The following CAMTA1 variants were observed in gnomAD, a reference collection of about 807,000 sequenced individuals.
The protein encoded by CAMTA1 is calmodulin-binding transcription activator 1.
In CAMTA1, 27 loss-of-function variants were observed where a neutral mutation model predicts 170.9. The observed-to-expected ratio is 0.16, with a 90% CI of 0.12 to 0.22. The LOEUF (loss-of-function observed/expected upper bound fraction) is 0.22, where lower values mean the gene tolerates loss of function less well. Among genes scored for constraint, CAMTA1 ranks in the 10% least tolerant of loss-of-function variants. The pLI, the probability that CAMTA1 is intolerant of heterozygous loss-of-function variation, is 1.00. For missense variants in CAMTA1, 1,619 were observed against 2,217.2 expected, an observed-to-expected ratio of 0.73 and a Z score of 5.42; for synonymous variants, 833 against 891.5, an observed-to-expected ratio of 0.93 and a Z score of 1.17.
intron 7 of CAMTA1, among the ~76,000 whole-genome samples, chr1:7,655,016 C>G (rs1177841310): frequency 8.6e-6 from 1 of 116,828 alleles, no homozygotes; most frequent in African/African-American, 3.4e-5. Flanking sequence ...ATACACACAC[C>G]CCTATATACA....
intron 6 of CAMTA1, among the ~76,000 whole-genome samples, chr1:7,608,107 G>T (rs1004318872): frequency 4.6e-5 from 7 of 152,282 alleles, no homozygotes; most frequent in African/African-American, 1.7e-4. Flanking sequence ...CCCATGCTCT[G>T]CTAGTGCAGC....
intron 3 of CAMTA1, among the ~76,000 whole-genome samples, chr1:7,058,071 G>A (rs925098387): frequency 3.3e-5 from 5 of 152,290 alleles, no homozygotes; most frequent in African/African-American, 9.6e-5. Context: ...CAGGCAGGAC[G>A]GAGACCGGCC....
intron 5 of CAMTA1, among the ~76,000 whole-genome samples, chr1:7,461,428 G>A (rs1026339437): frequency 1.3e-5 from 2 of 152,204 alleles, no homozygotes; most frequent in Admixed American, 6.5e-5. Flanking sequence ...GGTAGCCCTC[G>A]GCCACATGTG....
chr1:6,849,612 A>G (rs922052816), intron 3 of CAMTA1, among the ~76,000 whole-genome samples: 4 of 151,826 alleles, frequency 2.6e-5, no homozygotes, highest in Non-Finnish European at 5.9e-5. Flanking sequence ...GTAAAATTAT[A>G]GAAGTGTTAA....
At position 7,585,943 on chromosome 1, in the gene CAMTA1, G is replaced by A. The variant is rs1415939178; in HGVS notation, c.511-54457G>A. Among the ~76,000 whole-genome samples the A allele has an allele frequency of 6.6e-6, 1 of 152,044 alleles. No individual in the cohort carries two copies. The highest frequency in any genetic ancestry group is 1.5e-5 in the Non-Finnish European group (1 of 68,034). On this transcript the variant is annotated intron_variant, in intron 6 of 22. Coordinates refer to ENST00000303635, the MANE Select transcript of CAMTA1 (RefSeq NM_015215.4). This position sits in a 1 kb window ranked among gnomAD's most constrained non-coding sequence, Gnocchi z 4.8. ...GAGCCTTCCTCTCTGTGTCCCCCAG[G>A]ACCCTGGGTCCAGCTCCTCACATGC... is the stretch of plus-strand genomic sequence containing the variant.
intron 6 of CAMTA1, among the ~76,000 whole-genome samples, chr1:7,508,227 G>T (rs920252610): frequency 2.0e-5 from 3 of 152,190 alleles, no homozygotes; most frequent in African/African-American, 7.2e-5. Flanking sequence ...CCGGGCCCGG[G>T]CCTCCGGTGG....
At chr1:7,461,526 G>A (rs1575453145) in intron 5 of CAMTA1, among the ~76,000 whole-genome samples, 1 of 152,308 alleles carries the variant, frequency 6.6e-6, no homozygotes, top group South Asian at 2.1e-4. Flanking sequence ...ATTTGAATTC[G>A]AACAGCCGCA....
chr1:7,462,812 C>T (rs776306038), intron 5 of CAMTA1, among the ~76,000 whole-genome samples: 1 of 152,130 alleles, frequency 6.6e-6, no homozygotes, highest in African/African-American at 2.4e-5. Flanking sequence ...TGACTCTTAG[C>T]AGGAAGTCTG....
intron 3 of CAMTA1, among the ~76,000 whole-genome samples, chr1:6,967,628 C>T (rs1472702403): frequency 6.6e-6 from 1 of 152,190 alleles, no homozygotes; most frequent in Non-Finnish European, 1.5e-5. Flanking sequence ...TGCCTCACAT[C>T]CGCTCCTCTC....
At chr1:7,573,603 G>A (rs1055100831) in intron 6 of CAMTA1, among the ~76,000 whole-genome samples, 20 of 152,190 alleles carry the variant, frequency 1.3e-4, no homozygotes, top group Non-Finnish European at 2.2e-4. Flanking sequence ...CCCCGCCTCC[G>A]CTGGCTCCTG....
intron 3 of CAMTA1, chr1:6,871,709 A>G: frequency 2.0e-6 from 3 of 1,479,060 alleles, no homozygotes; most frequent in Non-Finnish European, 2.7e-6. Context: ...TTGATTTTAA[A>G]TTCTCAGAGA....
At chr1:7,020,319 C>G (rs1488313798) in intron 3 of CAMTA1, among the ~76,000 whole-genome samples, 1 of 152,230 alleles carries the variant, frequency 6.6e-6, no homozygotes, top group Non-Finnish European at 1.5e-5. Flanking sequence ...TAGATACACA[C>G]ATACTTACCA....
At chr1:7,227,647 A>G (rs74051200) in intron 4 of CAMTA1, among the ~76,000 whole-genome samples, 6,028 of 152,186 alleles carry the variant, frequency 0.04, 333 homozygotes, top group African/African-American at 0.12. Context: ...CCCTTTGTAA[A>G]CGTCAAGTTT....
At position 6,970,492 on chromosome 1, in the gene CAMTA1, A is replaced by G. The variant is rs1368936565; in HGVS notation, c.235-120812A>G. Among the ~76,000 whole-genome samples the G allele has an allele frequency of 6.6e-6, 1 of 152,098 alleles. No individual in the cohort carries two copies. The highest frequency in any genetic ancestry group is 1.5e-5 in the Non-Finnish European group (1 of 68,010). ...AGGTAATGGGGGTTCTTGCCAGGCC[A>G]GGGACTCTCGGCTTGGAGGGGGTCA... On this transcript the variant is annotated intron_variant, in intron 3 of 22. Coordinates refer to ENST00000303635, the MANE Select transcript of CAMTA1 (RefSeq NM_015215.4). This position sits in a 1 kb window ranked among gnomAD's most constrained non-coding sequence, Gnocchi z 4.4.
chr1:7,493,718 C>T (rs1270013002), intron 6 of CAMTA1, among the ~76,000 whole-genome samples: 2 of 152,060 alleles, frequency 1.3e-5, no homozygotes, highest in Non-Finnish European at 2.9e-5. Context: ...AGGGCACCTT[C>T]TCGAGGATTC....
At chr1:7,091,468 G>C (rs1404319260) in intron 4 of CAMTA1, 97 bp downstream of exon 4, 2 of 901,404 alleles carry the variant, frequency 2.2e-6, no homozygotes, top group African/African-American at 1.6e-5. Context: ...TGGGCAACGA[G>C]TTGAAAATGC....
chr1:7,724,818 C>CAAAA lies in CAMTA1; in HGVS notation c.2915-7614_2915-7611dup, dbSNP rs960235639. Among the ~76,000 whole-genome samples, 790 of 85,270 alleles carry CAAAA rather than the reference C, an allele frequency of 9.3e-3. 10 individuals carry two copies. Among genetic ancestry groups the CAAAA allele is most frequent in the African/African-American group, 0.033 (730 of 22,080 alleles). The allele number at this position is 85,270 out of a possible 152,430, so 55.9% of individuals were successfully genotyped here. A position where few individuals can be genotyped will look rare whatever the true frequency, so the allele number is the denominator to read the frequency against. On this transcript the variant is annotated intron_variant, in intron 11 of 22. Coordinates refer to ENST00000303635, the MANE Select transcript of CAMTA1 (RefSeq NM_015215.4). ...AGCCTGGGCAACAGAGCGAGACTCT[C>CAAAA]AAAAAAAAAAAAAAAAAAAGATCGC...
Position 7,003,452 on chromosome 1 carries a change from T to C in CAMTA1, c.235-87852T>C, listed in dbSNP as rs180825969. 6.7e-4 allele frequency among the ~76,000 whole-genome samples: 102 copies of C among 152,296 alleles called. 1 individual carries two copies. Among genetic ancestry groups the C allele is most frequent in the African/African-American group, 2.3e-3 (97 of 41,568 alleles). ...AGCAGGGGTGCCAGGCAGGGAATGATCCCTGTAGCATAGATGGCTATGTTA... is the reference window on the plus strand; with the variant it reads ...AGCAGGGGTGCCAGGCAGGGAATGACCCCTGTAGCATAGATGGCTATGTTA... On this transcript the variant is annotated intron_variant, in intron 3 of 22. Transcript: ENST00000303635.
chr1:7,303,103 G>T (rs1306930844), intron 5 of CAMTA1, among the ~76,000 whole-genome samples: 2 of 152,164 alleles, frequency 1.3e-5, no homozygotes, highest in South Asian at 4.1e-4. Flanking sequence ...GACATGTAAA[G>T]CATTTATTTA....
Sources: gnomAD v4.1 joint callset for allele counts (sites outside exome capture counted in the v4.1 genomes callset) on GRCh38, gnomAD v4.1.1 for gene constraint, Gnocchi (gnomAD v3.1) non-coding constraint, MANE v1.5 for transcripts, NCBI Gene and HGNC (gene_info 2026-07-23, HGNC 2026-07-21) for gene names.